The following GTPBP10 variants were observed in gnomAD, a reference collection of about 807,000 sequenced individuals.
The protein encoded by GTPBP10 is GTP-binding protein 10.
In GTPBP10, 38 loss-of-function variants were observed where a neutral mutation model predicts 44.8. That is an observed-to-expected ratio of 0.85 (90% CI 0.65 to 1.11). The LOEUF (loss-of-function observed/expected upper bound fraction) is 1.11, where lower values mean the gene tolerates loss of function less well. Ranked by LOEUF, GTPBP10 falls within the 50% of genes most tolerant of loss-of-function variation. The pLI is 0.00. For synonymous variants in GTPBP10, 152 were observed against 150.6 expected (o/e 1.01, Z -0.07); for missense variants, 462 against 453.7 (o/e 1.02, Z -0.17).
chr7:90,347,220 T>C (rs1408682339), intron 1 of GTPBP10, among the ~76,000 whole-genome samples: 1 of 152,228 alleles, frequency 6.6e-6, no homozygotes, highest in Non-Finnish European at 1.5e-5. Context: ...TCGATTTTTG[T>C]GTGGTGTCGG....
intron 4 of GTPBP10, among the ~76,000 whole-genome samples, chr7:90,366,016 G>C (rs1039251133): frequency 1.5e-4 from 23 of 152,218 alleles, no homozygotes; most frequent in African/African-American, 5.3e-4. Flanking sequence ...CATCTATTGA[G>C]ATAATCATGT....
At chr7:90,372,347 C>A in intron 5 of GTPBP10, 119 bp downstream of exon 5, 1 of 661,622 alleles carries the variant, frequency 1.5e-6, no homozygotes, top group Non-Finnish European at 2.5e-6. Flanking sequence ...AAATTTTTGG[C>A]AGATAGACTA....
intron 4 of GTPBP10, among the ~76,000 whole-genome samples, chr7:90,366,698 T>C (rs1460530914): frequency 6.7e-6 from 1 of 149,576 alleles, no homozygotes; most frequent in East Asian, 1.9e-4. Context: ...GCTAGCGGTC[T>C]ATTTATATTG....
intron 1 of GTPBP10, 65 bp from the exon 2 acceptor site, chr7:90,352,751 C>G (rs1795814586): frequency 8.1e-7 from 1 of 1,231,650 alleles, no homozygotes; most frequent in Non-Finnish European, 1.1e-6. Flanking sequence ...GAAGAAAGAA[C>G]TAGAAAAAGG....
intron 3 of GTPBP10, 26 bp downstream of exon 3, chr7:90,354,575 T>C: frequency 8.5e-7 from 1 of 1,175,464 alleles, no homozygotes; most frequent in Non-Finnish European, 1.2e-6. Context: ...CTCCAAAAGT[T>C]GTAAAAATGT....
rs1368234247 is a variant in GTPBP10 at position 90,390,562 on chromosome 7, G to A, written c.*5408G>A. On this transcript the variant is annotated 3_prime_UTR_variant, in exon 10 of 10. Transcript: ENST00000222511. ...GTGAAGCATAGCTGTTATCCAAGTCGTGTGCCTTTGAAATACTTGGAATTT... is the reference window on the plus strand; with the variant it reads ...GTGAAGCATAGCTGTTATCCAAGTCATGTGCCTTTGAAATACTTGGAATTT... The A allele has an allele frequency of 6.6e-6, 1 of 152,160 alleles. No homozygotes were observed. Among genetic ancestry groups the A allele is most frequent in the Non-Finnish European group, 1.5e-5 (1 of 68,028 alleles). 9.4% of individuals were successfully genotyped at this position (152,160 alleles called of 1,614,324 possible).
chr7:90,380,761 G>T (rs1796422883), intron 8 of GTPBP10, among the ~76,000 whole-genome samples: 1 of 152,124 alleles, frequency 6.6e-6, no homozygotes, highest in Non-Finnish European at 1.5e-5. Context: ...CTATTTAATT[G>T]AATCTTTGTT....
intron 6 of GTPBP10, among the ~76,000 whole-genome samples, chr7:90,374,732 T>C (rs1796315250): frequency 6.6e-6 from 1 of 152,206 alleles, no homozygotes; most frequent in African/African-American, 2.4e-5. Flanking sequence ...AATGTTTTAA[T>C]GGAGTTTTGG....
At chr7:90,355,253 T>C (rs1795874237) in intron 4 of GTPBP10, 23 bp downstream of exon 4, 3 of 1,406,558 alleles carry the variant, frequency 2.1e-6, no homozygotes, top group Non-Finnish European at 1.9e-6. Flanking sequence ...CATATTTTTA[T>C]TATTATACTT....
Position 90,385,789 on chromosome 7 carries a change from T to A in GTPBP10, c.*635T>A, listed in dbSNP as rs1318464489. On this transcript the variant is annotated 3_prime_UTR_variant, in exon 10 of 10. Coordinates refer to ENST00000222511, the MANE Select transcript of GTPBP10 (RefSeq NM_033107.4). Reference sequence around the variant, plus strand: ...ATAACCAGTGGCCAGGCATGGTGGCTCATGCCTGTAATCCCAGCACTTTTC... The same window carrying A: ...ATAACCAGTGGCCAGGCATGGTGGCACATGCCTGTAATCCCAGCACTTTTC... The A allele has an allele frequency of 6.6e-6, 1 of 151,996 alleles. No homozygotes were observed. Among genetic ancestry groups the A allele is most frequent in the Non-Finnish European group, 1.5e-5 (1 of 67,996 alleles). The allele number at this position is 151,996 out of a possible 1,614,324, so 9.4% of individuals were successfully genotyped here.
At chr7:90,380,785 A>G (rs1235302014) in intron 8 of GTPBP10, among the ~76,000 whole-genome samples, 5 of 151,894 alleles carry the variant, frequency 3.3e-5, no homozygotes, top group East Asian at 1.9e-4. Flanking sequence ...TTTGACCAAC[A>G]CCCCTCCATC....
chr7:90,360,744 C>T (rs180743035), intron 4 of GTPBP10, among the ~76,000 whole-genome samples: 162 of 152,292 alleles, frequency 1.1e-3, no homozygotes, highest in African/African-American at 3.8e-3. Flanking sequence ...TGGCCATTTT[C>T]ATGATACTGA....
Position 90,386,361 on chromosome 7 carries a change from T to A in GTPBP10, c.*1207T>A, listed in dbSNP as rs933420014. 2.6e-5 allele frequency: 4 copies of A among 152,200 alleles called. No homozygotes were observed. Among genetic ancestry groups the A allele is most frequent in the South Asian group, 2.1e-4 (1 of 4,830 alleles). The allele number at this position is 152,200 out of a possible 1,614,324, so 9.4% of individuals were successfully genotyped here. The stretch of plus-strand genomic sequence containing the variant: ...TATGACAGAAACTAGAAGATAGCTG[T>A]TTATGATTTGAGCTTTTGGAAAATT... On this transcript the variant is annotated 3_prime_UTR_variant, in exon 10 of 10. Transcript: ENST00000222511.
rs764428803 is a variant in GTPBP10 at position 90,389,742 on chromosome 7, G to C, written c.*4588G>C. 2 of 152,116 alleles carry C rather than the reference G, an allele frequency of 1.3e-5. No homozygotes were observed. Among genetic ancestry groups the C allele is most frequent in the Non-Finnish European group, 2.9e-5 (2 of 68,024 alleles). The allele number at this position is 152,116 out of a possible 1,614,324, so 9.4% of individuals were successfully genotyped here. ...TAATTTTAATTAAAAGTTAAGCAGTGAAAAATAAACATCTTTTTTTCTTAA... is the reference window on the plus strand; with the variant it reads ...TAATTTTAATTAAAAGTTAAGCAGTCAAAAATAAACATCTTTTTTTCTTAA... On this transcript the variant is annotated 3_prime_UTR_variant, in exon 10 of 10. Coordinates refer to ENST00000222511, the MANE Select transcript of GTPBP10 (RefSeq NM_033107.4).
chr7:90,369,840 G>C (rs910063084), intron 4 of GTPBP10, among the ~76,000 whole-genome samples: 25 of 152,108 alleles, frequency 1.6e-4, no homozygotes, highest in Non-Finnish European at 2.9e-4. Flanking sequence ...TGCCCAACCC[G>C]CCACATTGAG....
Position 90,352,765 on chromosome 7 carries a change from T to TAAGGTG in GTPBP10, c.34-49_34-44dup, listed in dbSNP as rs550037732. On this transcript the variant is annotated intron_variant, in intron 1 of 9. Coordinates refer to ENST00000222511, the MANE Select transcript of GTPBP10 (RefSeq NM_033107.4). ...GGAAGAAAGAACTAGAAAAAGGTTC[T>TAAGGTG]AAGGTGATACACTTTTGGTATACAA... 1.2e-4 allele frequency: 164 copies of TAAGGTG among 1,409,968 alleles called. No homozygotes were observed. The African/African-American group carries it at 2.0e-3, about 17-fold the overall frequency. 87.3% of individuals were successfully genotyped at this position (1,409,968 alleles called of 1,614,324 possible). A position where few individuals can be genotyped will look rare whatever the true frequency, so the allele number is the denominator to read the frequency against.
At chr7:90,376,308 CTG>C (rs1796344859) in intron 6 of GTPBP10, among the ~76,000 whole-genome samples, 1 of 152,054 alleles carries the variant, frequency 6.6e-6, no homozygotes, top group African/African-American at 2.4e-5. Context: ...GTCTAGGAAA[CTG>C]TATTCTTTTA....
In GTPBP10 at chr7:90,385,052, T is replaced by A; in HGVS notation, c.1062T>A (p.Leu354=). 6.2e-7 allele frequency: 1 copy of A among 1,613,922 alleles called. No homozygotes were observed. The highest frequency in any genetic ancestry group is 1.7e-4 in the Middle Eastern group (1 of 6,056). Residue 354 remains leucine (L), a synonymous_variant, in exon 10 of 10, where the codon CTT becomes CTA. Transcript: ENST00000222511. ...AGGCCAACCAGGAAAATGATGCACT[T>A]CATAAGAAACAGTTGCTTAATTTGT... is the stretch of plus-strand genomic sequence containing the variant. ...DEQANQENDA[L]HKKQLLNLWI...
chr7:90,363,536 A>G (rs1441823445), intron 4 of GTPBP10, among the ~76,000 whole-genome samples: 1 of 152,186 alleles, frequency 6.6e-6, no homozygotes, highest in Non-Finnish European at 1.5e-5. Context: ...CTTTGTGGGT[A>G]ACCCGACCTT....
Sources: allele counts gnomAD v4.1 joint callset (sites outside exome capture counted in the v4.1 genomes callset), GRCh38; gene constraint gnomAD v4.1.1; transcripts MANE v1.5; gene names NCBI Gene and HGNC (gene_info 2026-07-23, HGNC 2026-07-21).